The following HS3ST4 variants were observed in gnomAD, a reference collection of about 807,000 sequenced individuals.
HS3ST4 encodes heparan sulfate-glucosamine 3-sulfotransferase 4, also known as heparan sulfate glucosamine 3-O-sulfotransferase 4.
Under a neutral mutation model 29.2 loss-of-function variants are expected in HS3ST4, and 17 were observed. The observed-to-expected ratio is 0.58, with a 90% CI of 0.40 to 0.87. The LOEUF (loss-of-function observed/expected upper bound fraction) is 0.87. HS3ST4 is among the 40% of genes least tolerant of loss of function. HS3ST4 has a pLI of 0.00. For synonymous variants in HS3ST4, 314 were observed against 285.7 expected (o/e 1.10, Z -1.00); for missense variants, 627 against 634.5 (o/e 0.99, Z 0.13).
intron 1 of HS3ST4, among the ~76,000 whole-genome samples, chr16:25,996,357 C>T (rs1969159251): frequency 6.6e-6 from 1 of 151,934 alleles, no homozygotes. Flanking sequence ...GCATACTTTA[C>T]ATATCTAGAC....
At chr16:25,722,072 C>T (rs181790013) in intron 1 of HS3ST4, among the ~76,000 whole-genome samples, 6 of 152,300 alleles carry the variant, frequency 3.9e-5, no homozygotes, top group African/African-American at 9.6e-5. Flanking sequence ...GTTTTGGCAG[C>T]GTGTAGCCCA....
intron 1 of HS3ST4, among the ~76,000 whole-genome samples, chr16:26,075,763 C>T (rs9924429): frequency 0.041 from 6,284 of 152,212 alleles, 427 homozygotes; most frequent in African/African-American, 0.14. Context: ...GATTCTCAAA[C>T]GCCTCAATTA....
intron 1 of HS3ST4, among the ~76,000 whole-genome samples, chr16:25,715,567 A>G (rs1424606393): frequency 6.6e-6 from 1 of 152,176 alleles, no homozygotes; most frequent in Non-Finnish European, 1.5e-5. Flanking sequence ...CATGAAAGGG[A>G]AAAAAAGCAA....
At chr16:25,997,856 A>G (rs900608880) in intron 1 of HS3ST4, among the ~76,000 whole-genome samples, 2 of 152,180 alleles carry the variant, frequency 1.3e-5, no homozygotes, top group Non-Finnish European at 2.9e-5. Context: ...TTCCCTAAAG[A>G]ATAGGGATAG....
At chr16:25,737,225 G>A (rs565521384) in intron 1 of HS3ST4, among the ~76,000 whole-genome samples, 153 of 152,282 alleles carry the variant, frequency 1.0e-3, no homozygotes, top group Middle Eastern at 3.4e-3. Context: ...TGCTGGTTAC[G>A]ATGCACATTT....
chr16:25,944,247 G>A (rs144060933), intron 1 of HS3ST4, among the ~76,000 whole-genome samples: 6 of 152,314 alleles, frequency 3.9e-5, no homozygotes, highest in Non-Finnish European at 5.9e-5. Context: ...ATTAAGTGAC[G>A]GAAAAGCCCT....
In HS3ST4 at chr16:25,944,247, G is replaced by T. The variant is rs144060933; in HGVS notation, c.735-191365G>T. On this transcript the variant is annotated intron_variant, in intron 1 of 1. Coordinates refer to ENST00000331351, the MANE Select transcript of HS3ST4 (RefSeq NM_006040.3). ...GGCAGAATAGGATTTATTAAGTGAC[G>T]GAAAAGCCCTCAACAGCAAGAGGGG... Among the ~76,000 whole-genome samples the T allele has an allele frequency of 4.6e-5, 7 of 152,314 alleles. 1 individual carries two copies. Among genetic ancestry groups the T allele is most frequent in the Admixed American group, 2.0e-4 (3 of 15,306 alleles).
chr16:25,894,714 C>T (rs569687424), intron 1 of HS3ST4, among the ~76,000 whole-genome samples: 8 of 152,178 alleles, frequency 5.3e-5, no homozygotes, highest in African/African-American at 1.9e-4. Flanking sequence ...CCATGTTGGC[C>T]AGGCTGGTCT....
chr16:25,949,138 G>A (rs542780008), intron 1 of HS3ST4, among the ~76,000 whole-genome samples: 8 of 151,944 alleles, frequency 5.3e-5, no homozygotes, highest in Admixed American at 1.3e-4. Context: ...TGATATAGGC[G>A]TGCAATGTGT....
Position 25,737,039 on chromosome 16 carries a change from G to GT in HS3ST4, c.734+43898dup, listed in dbSNP as rs60294251. Among the ~76,000 whole-genome samples the GT allele has an allele frequency of 5.2e-3, 774 of 148,520 alleles. 8 individuals are homozygous for GT. The highest frequency in any genetic ancestry group is 0.018 in the African/African-American group (717 of 40,504). ...AATTTTTGTATTTTTGTAGAGATGG[G>GT]TTTTTTTTTTAACTTTTATTTTAGA... On this transcript the variant is annotated intron_variant, in intron 1 of 1. Coordinates refer to ENST00000331351, the MANE Select transcript of HS3ST4 (RefSeq NM_006040.3).
At chr16:26,069,155 T>G (rs2141775888) in intron 1 of HS3ST4, among the ~76,000 whole-genome samples, 1 of 152,310 alleles carries the variant, frequency 6.6e-6, no homozygotes, top group Admixed American at 6.5e-5. Flanking sequence ...TTTCGCCATG[T>G]TGCCCAGACT....
chr16:25,839,845 C>T (rs117892836), intron 1 of HS3ST4, among the ~76,000 whole-genome samples: 2,407 of 152,202 alleles, frequency 0.016, 22 homozygotes, highest in Middle Eastern at 0.024. Context: ...ATCAGCACTG[C>T]GAACTTTATG....
At chr16:26,069,107 A>G (rs1898573182) in intron 1 of HS3ST4, among the ~76,000 whole-genome samples, 1 of 152,134 alleles carries the variant, frequency 6.6e-6, no homozygotes. Context: ...ACATGCCACA[A>G]TGCCCAGCTA....
At chr16:26,081,287 CAAAAAA>C (rs11305983) in intron 1 of HS3ST4, among the ~76,000 whole-genome samples, 1 of 131,028 alleles carries the variant, frequency 7.6e-6, no homozygotes, top group African/African-American at 2.8e-5. Flanking sequence ...AATCCTGTCT[CAAAAAA>C]AAAAAAAAAA....
At chr16:26,112,183 C>G (rs1406829255) in intron 1 of HS3ST4, among the ~76,000 whole-genome samples, 1 of 151,760 alleles carries the variant, frequency 6.6e-6, no homozygotes, top group Non-Finnish European at 1.5e-5. Context: ...TTGAGAAAAT[C>G]AATTTCAACT....
intron 1 of HS3ST4, among the ~76,000 whole-genome samples, chr16:25,747,371 C>T (rs1358600275): frequency 1.3e-5 from 2 of 152,204 alleles, no homozygotes; most frequent in African/African-American, 4.8e-5. Flanking sequence ...GCTCCCCAGG[C>T]AAAGCTGAGC....
Position 26,127,247 on chromosome 16 carries a change from C to T in HS3ST4, c.735-8365C>T, listed in dbSNP as rs137903178. Among the ~76,000 whole-genome samples, 879 of 152,306 alleles carry T rather than the reference C, an allele frequency of 5.8e-3. 5 individuals carry two copies. The highest frequency in any genetic ancestry group is 9.1e-3 in the Non-Finnish European group (620 of 68,032). On this transcript the variant is annotated intron_variant, in intron 1 of 1. Transcript: ENST00000331351. ...CATTGGGAAAATCAAAGCCATTAAGCAGGAAATTCCTAAACGTTGCTCCCC... is the reference window on the plus strand; with the variant it reads ...CATTGGGAAAATCAAAGCCATTAAGTAGGAAATTCCTAAACGTTGCTCCCC...
intron 1 of HS3ST4, among the ~76,000 whole-genome samples, chr16:25,700,932 A>G (rs1966330218): frequency 6.6e-6 from 1 of 152,166 alleles, no homozygotes; most frequent in Admixed American, 6.5e-5. Flanking sequence ...CAACACGTGA[A>G]TTAGACAATA....
At chr16:26,095,821 T>A (rs1183161659) in intron 1 of HS3ST4, among the ~76,000 whole-genome samples, 1 of 152,014 alleles carries the variant, frequency 6.6e-6, no homozygotes, top group African/African-American at 2.4e-5. Flanking sequence ...AATCAGTGAA[T>A]CCAGGAGCTG....
Sources: allele counts gnomAD v4.1 joint callset (sites outside exome capture counted in the v4.1 genomes callset), GRCh38; gene constraint gnomAD v4.1.1; transcripts MANE v1.5; gene names NCBI Gene and HGNC (gene_info 2026-07-23, HGNC 2026-07-21).